The following GGACT variants were observed in gnomAD, a reference collection of about 807,000 sequenced individuals.
GGACT encodes gamma-glutamylamine cyclotransferase, also known as gamma-glutamylaminecyclotransferase.
For synonymous variants in GGACT, 118 were observed against 115.3 expected (o/e 1.02, Z -0.15); for missense variants, 241 against 233.2 (o/e 1.03, Z -0.22).
At chr13:100,586,487 G>A (rs1158278037) in intron 1 of GGACT, among the ~76,000 whole-genome samples, 2 of 84,950 alleles carry the variant, frequency 2.4e-5, no homozygotes, top group Non-Finnish European at 4.6e-5. Flanking sequence ...CCCCACCCCC[G>A]ACCCCACCCC....
chr13:100,566,788 C>G (rs1874900096), intron 2 of GGACT, among the ~76,000 whole-genome samples: 1 of 152,234 alleles, frequency 6.6e-6, no homozygotes, highest in Admixed American at 6.5e-5. Flanking sequence ...ATCAGGGCAT[C>G]AGCATTTGTG....
At chr13:100,552,989 T>TGGGGA (rs1318192875) in intron 2 of GGACT, among the ~76,000 whole-genome samples, 3 of 129,090 alleles carry the variant, frequency 2.3e-5, no homozygotes, top group Non-Finnish European at 5.0e-5. Context: ...GGCGGGTGGC[T>TGGGGA]GGGGAGGGGA....
intron 2 of GGACT, among the ~76,000 whole-genome samples, chr13:100,543,294 G>A (rs113836110): frequency 0.013 from 1,604 of 124,438 alleles, 21 homozygotes; most frequent in Non-Finnish European, 0.019. Context: ...TGCAACCTCC[G>A]CCTCCCAGGT....
At chr13:100,552,039 C>T (rs574650764) in intron 2 of GGACT, among the ~76,000 whole-genome samples, 1 of 152,316 alleles carries the variant, frequency 6.6e-6, no homozygotes, top group South Asian at 2.1e-4. Context: ...ACCTGAGGGG[C>T]CCTTGACCCT....
rs1875078328 is a variant in GGACT, at chr13:100,571,417, G to A, written c.-11+12408C>T. On this transcript the variant is annotated intron_variant, in intron 2 of 2. Coordinates refer to ENST00000683975, the MANE Select transcript of GGACT (RefSeq NM_001195087.2). ...TTGCTCTAATATCCTTCAGAACACA[G>A]ATGTGTATGCTGTGCAGCAGAAGAA... Among the ~76,000 whole-genome samples, 3 of 152,236 alleles carry A rather than the reference G, an allele frequency of 2.0e-5. No homozygotes were observed. In the South Asian group the frequency reaches 6.2e-4, roughly 31 times the overall value.
At chr13:100,547,241 C>G (rs1460916432) in intron 2 of GGACT, among the ~76,000 whole-genome samples, 3 of 152,158 alleles carry the variant, frequency 2.0e-5, no homozygotes, top group Non-Finnish European at 2.9e-5. Flanking sequence ...GTAATCAGCC[C>G]CCATCACAGC....
intron 2 of GGACT, chr13:100,539,937 C>T (rs837303): frequency 1.9e-5 from 29 of 1,540,454 alleles, no homozygotes; most frequent in African/African-American, 2.7e-5. Flanking sequence ...GGGCAGCACC[C>T]GCAGGTCTAA....
intron 2 of GGACT, among the ~76,000 whole-genome samples, chr13:100,575,957 G>A (rs1875236514): frequency 6.6e-6 from 1 of 152,196 alleles, no homozygotes; most frequent in Non-Finnish European, 1.5e-5. Flanking sequence ...GGAATGAGAT[G>A]CTCAGGAATG....
rs2088415564 is a variant in GGACT, at chr13:100,532,365, C to G, written c.227G>C (p.Arg76Pro). 1 of 1,550,512 alleles carries G rather than the reference C, an allele frequency of 6.4e-7. No individual in the cohort carries two copies. The highest frequency in any genetic ancestry group is 1.4e-5 in the African/African-American group (1 of 73,052). Residue 76 changes from arginine (R) to proline (P), a missense_variant, in exon 3 of 3, where the codon CGC becomes CCC. Transcript: ENST00000683975. ...EVYAVDERML[R>P]FLDDFESCPA... The stretch of plus-strand genomic sequence containing the variant: ...GCAACTCTCGAAGTCATCCAGAAAG[C>G]GCAGCATCCGCTCGTCTACCGCGTA...
intron 2 of GGACT, among the ~76,000 whole-genome samples, chr13:100,576,509 G>A (rs1875250095): frequency 6.6e-6 from 1 of 152,220 alleles, no homozygotes; most frequent in African/African-American, 2.4e-5. Flanking sequence ...TACAGCAGCT[G>A]TATTCAAAAT....
chr13:100,532,419 C>T lies in GGACT; in HGVS notation c.173G>A (p.Gly58Asp). Residue 58 changes from glycine (G) to aspartate (D), a missense_variant, in exon 3 of 3, where the codon GGC becomes GAC. Transcript: ENST00000683975. ...CTCGCCCTCCACGAGGCGCCCCGAG[C>T]CGGGCAGGTGCAGCAGCCACGGGAT... ...HNIPWLLHLP[G>D]SGRLVEGEVY... The T allele has an allele frequency of 5.2e-6, 8 of 1,550,052 alleles. No individual in the cohort carries two copies. Among genetic ancestry groups the T allele is most frequent in the African/African-American group, 1.4e-5 (1 of 73,172 alleles).
At chr13:100,550,341 CACACACACACA>C (rs1448125755) in intron 2 of GGACT, among the ~76,000 whole-genome samples, 40,270 of 122,914 alleles carry the variant, frequency 0.33, 10,289 homozygotes, top group South Asian at 0.51. Flanking sequence ...CACACACACA[CACACACACACA>C]CACCACTGGC....
chr13:100,551,775 G>A lies in GGACT; in HGVS notation c.-10-19174C>T, dbSNP rs551039831. On this transcript the variant is annotated intron_variant, in intron 2 of 2. Transcript: ENST00000683975. Reference sequence around the variant, plus strand: ...TCTTTAAAATTCATGCAAATTTGGCGTTGTTTTAATATAACAATGATTATA... The same window carrying A: ...TCTTTAAAATTCATGCAAATTTGGCATTGTTTTAATATAACAATGATTATA... 4.2e-4 allele frequency among the ~76,000 whole-genome samples: 64 copies of A among 152,298 alleles called. No homozygotes were observed. In the Middle Eastern group the frequency reaches 0.01, roughly 24 times the overall value.
chr13:100,568,277 C>T (rs912469987), intron 2 of GGACT, among the ~76,000 whole-genome samples: 1 of 152,172 alleles, frequency 6.6e-6, no homozygotes, highest in African/African-American at 2.4e-5. Context: ...ATAAAGACAC[C>T]CAAGACTGGG....
intron 2 of GGACT, chr13:100,578,868 AT>A (rs1419880446): frequency 6.6e-6 from 1 of 152,216 alleles, no homozygotes; most frequent in Non-Finnish European, 1.5e-5. Context: ...AAAAATATTA[AT>A]TTTCTTTAAC....
Position 100,531,131 on chromosome 13 carries a change from T to C in GGACT, c.*999A>G, listed in dbSNP as rs1399485499. The stretch of plus-strand genomic sequence containing the variant: ...GCATTTTCATTTGGTTCTGAAATCC[T>C]TGGAATACATTTCAGACTTTGCTGG... On this transcript the variant is annotated 3_prime_UTR_variant, in exon 3 of 3. Coordinates refer to ENST00000683975, the MANE Select transcript of GGACT (RefSeq NM_001195087.2). 1 of 152,262 alleles carries C rather than the reference T, an allele frequency of 6.6e-6. No individual in the cohort carries two copies. Among genetic ancestry groups the C allele is most frequent in the Non-Finnish European group, 1.5e-5 (1 of 68,050 alleles). 9.4% of individuals were successfully genotyped at this position (152,262 alleles called of 1,614,324 possible).
At chr13:100,550,621 C>T (rs973696907) in intron 2 of GGACT, among the ~76,000 whole-genome samples, 3 of 152,196 alleles carry the variant, frequency 2.0e-5, no homozygotes, top group African/African-American at 7.2e-5. Context: ...TGGGTATATA[C>T]TTGGCTTTTG....
At chr13:100,583,530 T>C (rs951823863) in intron 2 of GGACT, among the ~76,000 whole-genome samples, 1 of 152,162 alleles carries the variant, frequency 6.6e-6, no homozygotes, top group Non-Finnish European at 1.5e-5. Flanking sequence ...CCCTCCTCCT[T>C]TAATTTTTTG....
intron 2 of GGACT, among the ~76,000 whole-genome samples, chr13:100,572,115 A>G (rs183445382): frequency 6.6e-6 from 1 of 152,374 alleles, no homozygotes; most frequent in East Asian, 1.9e-4. Flanking sequence ...TCCCAGCATC[A>G]GCCAAGGGTT....
Sources: allele counts gnomAD v4.1 joint callset (sites outside exome capture counted in the v4.1 genomes callset), GRCh38; gene constraint gnomAD v4.1.1; transcripts MANE v1.5; gene names NCBI Gene and HGNC (gene_info 2026-07-23, HGNC 2026-07-21).